ACTN1: variants seen among roughly 807,000 people sequenced by gnomAD.
ACTN1 encodes alpha-actinin-1.
In ACTN1, 30 loss-of-function variants were observed where a neutral mutation model predicts 119.6. The observed-to-expected ratio is 0.25, with a 90% CI of 0.19 to 0.34. The LOEUF (loss-of-function observed/expected upper bound fraction) is 0.34, where lower values mean the gene tolerates loss of function less well. Among genes scored for constraint, ACTN1 ranks in the 10% least tolerant of loss-of-function variants. The pLI, the probability that ACTN1 is intolerant of heterozygous loss-of-function variation, is 1.00. For synonymous variants in ACTN1, 429 were observed against 472.6 expected (o/e 0.91, Z 1.20); for missense variants, 764 against 1,223.4 (o/e 0.62, Z 5.60).
chr14:68,904,489 G>A (rs1014698799), intron 7 of ACTN1, among the ~76,000 whole-genome samples, 166 bp downstream of exon 7: 1 of 152,176 alleles, frequency 6.6e-6, no homozygotes. Context: ...CTCAAAGAAC[G>A]ATGGAAGAAT....
chr14:68,875,272 A>T (rs1336124754), intron 21 of ACTN1: 3 of 933,604 alleles, frequency 3.2e-6, no homozygotes, highest in Admixed American at 2.8e-5. Flanking sequence ...ATCTAATTCC[A>T]TGTGCCAATT....
rs553739767 is a variant in ACTN1 at position 68,874,707 on chromosome 14, A to T, written c.*152T>A. ...GCAGAAAATAATTTTGTAAACTGTC[A>T]CTTCGCGGGCAGGGAGGATCGATGC... On this transcript the variant is annotated 3_prime_UTR_variant, in exon 22 of 22. Transcript: ENST00000394419. 2 of 678,612 alleles carry T rather than the reference A, an allele frequency of 2.9e-6. No individual in the cohort carries two copies. Among genetic ancestry groups the T allele is most frequent in the Non-Finnish European group, 4.3e-6 (2 of 463,826 alleles). 42.0% of individuals were successfully genotyped at this position (678,612 alleles called of 1,614,324 possible). A position where few individuals can be genotyped will look rare whatever the true frequency, so the allele number is the denominator to read the frequency against.
chr14:68,875,612 G>A (rs1475153123), intron 21 of ACTN1, among the ~76,000 whole-genome samples: 1 of 152,232 alleles, frequency 6.6e-6, no homozygotes, highest in African/African-American at 2.4e-5. Context: ...CTACTTGGAA[G>A]CTGCTTCTTT....
At chr14:68,974,982 C>A (rs564416538) in intron 1 of ACTN1, among the ~76,000 whole-genome samples, 1 of 152,364 alleles carries the variant, frequency 6.6e-6, no homozygotes, top group East Asian at 1.9e-4. Flanking sequence ...GGCCCCCAGC[C>A]AGGTGCCCAG....
At chr14:68,895,272 A>G (rs1172891580) in intron 8 of ACTN1, among the ~76,000 whole-genome samples, 2 of 152,056 alleles carry the variant, frequency 1.3e-5, no homozygotes, top group African/African-American at 4.8e-5. Flanking sequence ...CCTGACCCCA[A>G]CTCAACCCTG....
At position 68,880,922 on chromosome 14, in the gene ACTN1, T is replaced by A; in HGVS notation, c.2021A>T (p.Tyr674Phe). 1.2e-6 allele frequency: 2 copies of A among 1,614,128 alleles called. No homozygotes were observed. Among genetic ancestry groups the A allele is most frequent in the Non-Finnish European group, 8.5e-7 (1 of 1,179,994 alleles). ...LEDQLSHLRQ[Y>F]EKSIVNYKPK... ...CTTGTAGTTGACGATGCTCTTCTCATACTGCCGCAGGTGGCTGAGCTGGTC... is the reference window on the plus strand; with the variant it reads ...CTTGTAGTTGACGATGCTCTTCTCAAACTGCCGCAGGTGGCTGAGCTGGTC... Residue 674 changes from tyrosine (Y) to phenylalanine (F), a missense_variant, in exon 17 of 22, where the codon TAT becomes TTT. Physicochemically the swap from Tyr to Phe is conservative, Grantham distance 22. Transcript: ENST00000394419. This position sits in a 1 kb window ranked among gnomAD's most constrained non-coding sequence, Gnocchi z 4.6.
intron 11 of ACTN1, among the ~76,000 whole-genome samples, chr14:68,889,475 G>C (rs968670676): frequency 6.6e-6 from 1 of 152,206 alleles, no homozygotes; most frequent in African/African-American, 2.4e-5. Context: ...TTGGAAACAG[G>C]CTCTTTGCAG....
Position 68,909,505 on chromosome 14 carries a change from C to T in ACTN1, c.516-109G>A. ...ACACCAGAGAGATGAACACATAGAG[C>T]TTTCTGGGGTAGGAGTTAGAAGACA... is the stretch of plus-strand genomic sequence containing the variant. On this transcript the variant is annotated intron_variant, in intron 5 of 21. Coordinates refer to ENST00000394419, the MANE Select transcript of ACTN1 (RefSeq NM_001130004.2). This position sits in a 1 kb window ranked among gnomAD's most constrained non-coding sequence, Gnocchi z 4.1. 1.0e-6 allele frequency: 1 copy of T among 972,720 alleles called. No homozygotes were observed. The highest frequency in any genetic ancestry group is 1.6e-6 in the Non-Finnish European group (1 of 626,928). The allele number at this position is 972,720 out of a possible 1,614,324, so 60.3% of individuals were successfully genotyped here.
intron 6 of ACTN1, among the ~76,000 whole-genome samples, chr14:68,908,234 C>T (rs1212613776): frequency 6.6e-6 from 1 of 152,148 alleles, no homozygotes; most frequent in Admixed American, 6.5e-5. Flanking sequence ...TAGGCATCTG[C>T]TCCTTTCCTC....
chr14:68,955,532 C>T (rs899974340), intron 1 of ACTN1, among the ~76,000 whole-genome samples: 6 of 152,058 alleles, frequency 3.9e-5, no homozygotes, highest in Non-Finnish European at 5.9e-5. Context: ...GGAAGCAGGG[C>T]GAGGCAGGAA....
intron 1 of ACTN1, among the ~76,000 whole-genome samples, chr14:68,926,517 T>C (rs1566645153): frequency 6.6e-6 from 1 of 152,334 alleles, no homozygotes; most frequent in East Asian, 1.9e-4. Context: ...CTGTCTCCAC[T>C]CTGTGGCAAC....
At position 68,882,886 on chromosome 14, in the gene ACTN1, C is replaced by A. The variant is rs748706936; in HGVS notation, c.1805G>T (p.Gly602Val). The A allele has an allele frequency of 6.2e-7, 1 of 1,614,174 alleles. No homozygotes were observed. The highest frequency in any genetic ancestry group is 8.5e-7 in the Non-Finnish European group (1 of 1,180,012). ...YTTITPQEINGKWDHVRQLVP... is the reference protein window; with the variant it reads ...YTTITPQEINVKWDHVRQLVP... Reference sequence around the variant, plus strand: ...CCTTCAACTCACGTGGTCCCATTTGCCATTGATCTCCTGAGGCGTGATGGT... The same window carrying A: ...CCTTCAACTCACGTGGTCCCATTTGACATTGATCTCCTGAGGCGTGATGGT... Residue 602 changes from glycine (G) to valine (V), a missense_variant, in exon 15 of 22, where the codon GGC becomes GTC. Gly to Val is a moderately radical substitution (Grantham distance 109). Coordinates refer to ENST00000394419, the MANE Select transcript of ACTN1 (RefSeq NM_001130004.2). This position sits in a 1 kb window ranked among gnomAD's most constrained non-coding sequence, Gnocchi z 4.5.
rs143574042 is a variant in ACTN1, at chr14:68,882,172, G to A, written c.1953+286C>T. ...GCTGGTCTCGAACTCCTGACCTCAG[G>A]TGATCCACCTGCCTCGGCCTCCCAA... On this transcript the variant is annotated intron_variant, in intron 16 of 21. Transcript: ENST00000394419. The surrounding 1 kb of genome is among the most constrained non-coding windows in gnomAD (Gnocchi z 4.5). Among the ~76,000 whole-genome samples, 1,968 of 152,130 alleles carry A rather than the reference G, an allele frequency of 0.013. 41 individuals are homozygous for A. Among genetic ancestry groups the A allele is most frequent in the African/African-American group, 0.043 (1,778 of 41,488 alleles).
rs182508490 is a variant in ACTN1, at chr14:68,955,618, G to A, written c.105+23334C>T. Among the ~76,000 whole-genome samples the A allele has an allele frequency of 3.2e-3, 485 of 152,302 alleles. 2 individuals are homozygous for A. Among genetic ancestry groups the A allele is most frequent in the African/African-American group, 0.011 (468 of 41,564 alleles). ...AGGTCATTGAAGGACACAGATGTTT[G>A]CGCTCGGTGGCAGGGGAGGACCTGC... On this transcript the variant is annotated intron_variant, in intron 1 of 21. Transcript: ENST00000394419.
intron 1 of ACTN1, among the ~76,000 whole-genome samples, chr14:68,962,064 G>A (rs2036558943): frequency 6.6e-6 from 1 of 152,208 alleles, no homozygotes. Context: ...CCGGCAGAGA[G>A]AATGGCTCAC....
intron 1 of ACTN1, among the ~76,000 whole-genome samples, chr14:68,959,934 CATTTG>C (rs1488840357): frequency 6.6e-6 from 1 of 152,186 alleles, no homozygotes; most frequent in Non-Finnish European, 1.5e-5. Context: ...ATAACATAAA[CATTTG>C]ATTAAAAACA....
chr14:68,882,340 G>T lies in ACTN1; in HGVS notation c.1953+118C>A. On this transcript the variant is annotated intron_variant, in intron 16 of 21. Coordinates refer to ENST00000394419, the MANE Select transcript of ACTN1 (RefSeq NM_001130004.2). This position sits in a 1 kb window ranked among gnomAD's most constrained non-coding sequence, Gnocchi z 4.5. ...CTACAGAACAGCAGACCCACGGTGG[G>T]CTCCGGGCCTCAGTCCTCCATGGGT... 7.1e-7 allele frequency: 1 copy of T among 1,403,158 alleles called. No homozygotes were observed. Among genetic ancestry groups the T allele is most frequent in the Non-Finnish European group, 9.7e-7 (1 of 1,030,234 alleles). 86.9% of individuals were successfully genotyped at this position (1,403,158 alleles called of 1,614,324 possible).
At chr14:68,949,390 T>C (rs145428026) in intron 1 of ACTN1, among the ~76,000 whole-genome samples, 56 of 152,276 alleles carry the variant, frequency 3.7e-4, no homozygotes, top group African/African-American at 1.3e-3. Flanking sequence ...AACTTTTCAT[T>C]AGCTCTGCAG....
At chr14:68,916,623 C>T (rs2034309848) in intron 3 of ACTN1, among the ~76,000 whole-genome samples, 1 of 152,182 alleles carries the variant, frequency 6.6e-6, no homozygotes, top group Non-Finnish European at 1.5e-5. Flanking sequence ...GGGCCTCCGG[C>T]TTCTCAACGT....
Sources: gnomAD v4.1 joint callset for allele counts (sites outside exome capture counted in the v4.1 genomes callset) on GRCh38, gnomAD v4.1.1 for gene constraint, Gnocchi (gnomAD v3.1) non-coding constraint, MANE v1.5 for transcripts, NCBI Gene and HGNC (gene_info 2026-07-23, HGNC 2026-07-21) for gene names.